The following AGBL1 variants were observed in gnomAD, a reference collection of about 807,000 sequenced individuals.
AGBL1 encodes AGBL carboxypeptidase 1.
AGBL1 carries 130 observed loss-of-function variants against 118.9 expected under a neutral mutation model. That is an observed-to-expected ratio of 1.09 (90% CI 0.95 to 1.26). AGBL1 has a LOEUF of 1.26. Ranked by LOEUF, AGBL1 falls within the 50% of genes most tolerant of loss-of-function variation. The pLI, the probability that AGBL1 is intolerant of heterozygous loss-of-function variation, is 0.00. For synonymous variants in AGBL1, 555 were observed against 478.9 expected (o/e 1.16, Z -2.08); for missense variants, 1,584 against 1,298.1 (o/e 1.22, Z -3.38).
At chr15:86,196,364 G>C (rs115351308) in intron 5 of AGBL1, among the ~76,000 whole-genome samples, 4,148 of 152,230 alleles carry the variant, frequency 0.027, 76 homozygotes, top group East Asian at 0.074. Flanking sequence ...GGAGTGTCCT[G>C]AAATCTACAA....
At chr15:86,381,753 C>A (rs1027906828) in intron 17 of AGBL1, among the ~76,000 whole-genome samples, 13 of 152,004 alleles carry the variant, frequency 8.6e-5, no homozygotes, top group Non-Finnish European at 1.5e-4. Context: ...GGCTTTCCTG[C>A]AGAAGGAGGG....
At chr15:86,408,374 CT>C (rs2081562902) in intron 18 of AGBL1, among the ~76,000 whole-genome samples, 1 of 152,194 alleles carries the variant, frequency 6.6e-6, no homozygotes, top group Non-Finnish European at 1.5e-5. Context: ...TTCAAAGCTC[CT>C]GCTGTAACAT....
rs1303786815 is a variant in AGBL1 at position 86,397,431 on chromosome 15, A to G, written c.2440A>G (p.Met814Val). 1.8e-5 allele frequency: 29 copies of G among 1,613,022 alleles called. No homozygotes were observed. Among genetic ancestry groups the G allele is most frequent in the Non-Finnish European group, 2.4e-5 (28 of 1,179,394 alleles). Residue 814 changes from methionine to valine, a missense_variant, in exon 18 of 23, where the codon ATG becomes GTG. Transcript: ENST00000614907. ...AGGAGAGAGCAATGCCAGTTGGGTG[A>G]TGAAGGGTACCTTGGAGTTCCTGGT... is the stretch of plus-strand genomic sequence containing the variant. ...HPGESNASWV[M>V]KGTLEFLVSS...
chr15:86,540,316 G>T (rs543820793), intron 19 of AGBL1, among the ~76,000 whole-genome samples: 1 of 152,208 alleles, frequency 6.6e-6, no homozygotes, highest in African/African-American at 2.4e-5. Context: ...TATTGAGGTG[G>T]GGAGCGGTGG....
At chr15:86,984,363 CT>C (rs869123922) in intron 23 of AGBL1, among the ~76,000 whole-genome samples, 28 of 23,328 alleles carry the variant, frequency 1.2e-3, no homozygotes, top group East Asian at 3.4e-3. Flanking sequence ...TTTTTTCTCT[CT>C]TTTTTTTTTT....
At chr15:86,919,955 G>T (rs1037432904), downstream of AGBL1, among the ~76,000 whole-genome samples, 1 of 152,140 alleles carries the variant, frequency 6.6e-6, no homozygotes, top group African/African-American at 2.4e-5. Flanking sequence ...AGGCTCATGG[G>T]GGAGGGATAT....
intron 21 of AGBL1, among the ~76,000 whole-genome samples, chr15:86,652,316 T>C (rs1191916035): frequency 6.6e-6 from 1 of 152,170 alleles, no homozygotes; most frequent in Non-Finnish European, 1.5e-5. Context: ...AATTTCCATT[T>C]CTGTGGTTCT....
At chr15:86,783,021 T>A (rs1184626582) in intron 22 of AGBL1, among the ~76,000 whole-genome samples, 1 of 152,202 alleles carries the variant, frequency 6.6e-6, no homozygotes, top group African/African-American at 2.4e-5. Flanking sequence ...GTGACATGTA[T>A]AATTAGTTAA....
intron 20 of AGBL1, among the ~76,000 whole-genome samples, chr15:86,549,865 G>A (rs1596255102): frequency 7.2e-6 from 1 of 138,162 alleles, no homozygotes; most frequent in South Asian, 2.7e-4. Context: ...GGAGGGGAGG[G>A]GAAGGGTGGG....
At chr15:86,546,908 G>T in intron 20 of AGBL1, among the ~76,000 whole-genome samples, 1 of 152,108 alleles carries the variant, frequency 6.6e-6, no homozygotes, top group East Asian at 1.9e-4. Context: ...AATTATGATG[G>T]TGTCTGCCTC....
At chr15:86,263,274 C>T (rs897544650) in intron 10 of AGBL1, among the ~76,000 whole-genome samples, 3 of 152,152 alleles carry the variant, frequency 2.0e-5, no homozygotes, top group Non-Finnish European at 4.4e-5. Context: ...TTACTATTGC[C>T]TACAGTGTTC....
intron 22 of AGBL1, among the ~76,000 whole-genome samples, chr15:86,713,036 T>G (rs2086585122): frequency 2.0e-5 from 3 of 152,268 alleles, no homozygotes; most frequent in Admixed American, 2.0e-4. Context: ...TGTGTCTGTT[T>G]CCCCAGGAGA....
intron 22 of AGBL1, among the ~76,000 whole-genome samples, chr15:86,677,690 T>C (rs1364431829): frequency 1.3e-5 from 2 of 152,164 alleles, no homozygotes; most frequent in Non-Finnish European, 2.9e-5. Context: ...ACACCTCCCG[T>C]GTTCTCCGAA....
At chr15:86,338,044 G>A (rs1260100736) in intron 17 of AGBL1, among the ~76,000 whole-genome samples, 1 of 152,102 alleles carries the variant, frequency 6.6e-6, no homozygotes, top group Admixed American at 6.5e-5. Flanking sequence ...GCAATCTAGT[G>A]AAGGGACACA....
chr15:86,776,099 C>G (rs1419205674), intron 22 of AGBL1, among the ~76,000 whole-genome samples: 1 of 152,154 alleles, frequency 6.6e-6, no homozygotes, highest in Non-Finnish European at 1.5e-5. Flanking sequence ...TCCACCTCCT[C>G]TTGTTCACTC....
intron 24 of AGBL1, among the ~76,000 whole-genome samples, chr15:87,025,604 C>A (rs1183794461): frequency 6.6e-6 from 1 of 151,766 alleles, no homozygotes; most frequent in African/African-American, 2.4e-5. Flanking sequence ...AGAGCAATAC[C>A]CATCAAAATA....
chr15:86,494,924 T>C (rs2082828072), intron 18 of AGBL1, among the ~76,000 whole-genome samples: 2 of 147,066 alleles, frequency 1.4e-5, no homozygotes, highest in African/African-American at 4.9e-5. Flanking sequence ...AAGTTTAACA[T>C]TTTTACGTAT....
intron 5 of AGBL1, among the ~76,000 whole-genome samples, chr15:86,205,831 A>C (rs1161799077): frequency 6.6e-6 from 1 of 152,054 alleles, no homozygotes; most frequent in Non-Finnish European, 1.5e-5. Context: ...TTTTAATTTA[A>C]TTTTATTTTG....
intron 18 of AGBL1, among the ~76,000 whole-genome samples, chr15:86,469,125 T>C (rs2082444572): frequency 1.3e-5 from 2 of 152,180 alleles, no homozygotes; most frequent in African/African-American, 4.8e-5. Context: ...TTTTCAAGTA[T>C]AAAATACATT....
Sources: allele counts gnomAD v4.1 joint callset (sites outside exome capture counted in the v4.1 genomes callset), GRCh38; gene constraint gnomAD v4.1.1; transcripts MANE v1.5; gene names NCBI Gene and HGNC (gene_info 2026-07-23, HGNC 2026-07-21).